Variants in NUP155 observed in about 807,000 individuals in gnomAD.
NUP155 encodes nuclear pore complex protein Nup155.
Under a neutral mutation model 180.4 loss-of-function variants are expected in NUP155, and 71 were observed. The observed-to-expected ratio is 0.39, with a 90% confidence interval of 0.33 to 0.48. The LOEUF (loss-of-function observed/expected upper bound fraction) is 0.48, where lower values mean the gene tolerates loss of function less well. NUP155 is among the 20% of genes least tolerant of loss of function. NUP155 has a pLI of 0.91. For synonymous variants in NUP155, 582 were observed against 559.5 expected (o/e 1.04, Z -0.57); for missense variants, 1,553 against 1,648.9 (o/e 0.94, Z 1.01).
chr5:37,355,440 G>A (rs1209027331), intron 4 of NUP155, among the ~76,000 whole-genome samples: 1 of 151,826 alleles, frequency 6.6e-6, no homozygotes, highest in Non-Finnish European at 1.5e-5. Flanking sequence ...CCCAGGAGGC[G>A]GAGGTTGTAG....
intron 9 of NUP155, among the ~76,000 whole-genome samples, chr5:37,346,677 C>CA (rs930870933): frequency 1.0e-4 from 15 of 145,278 alleles, no homozygotes; most frequent in East Asian, 6.1e-4. Flanking sequence ...GTCTCGGAAA[C>CA]AAAAAAAAAA....
chr5:37,319,549 T>C (rs892326625), intron 20 of NUP155, among the ~76,000 whole-genome samples: 1 of 152,166 alleles, frequency 6.6e-6, no homozygotes, highest in Non-Finnish European at 1.5e-5. Context: ...TTCAATATGT[T>C]AAATATATGA....
chr5:37,344,896 G>A (rs973684661), intron 9 of NUP155, among the ~76,000 whole-genome samples: 29 of 151,614 alleles, frequency 1.9e-4, no homozygotes, highest in Admixed American at 1.2e-3. Flanking sequence ...AAAGATTTTG[G>A]GGGCACGGTG....
intron 17 of NUP155, 72 bp downstream of exon 17, chr5:37,328,286 C>G (rs1453705968): frequency 1.8e-6 from 2 of 1,101,324 alleles, no homozygotes; most frequent in Admixed American, 1.9e-5. Flanking sequence ...CTTTTTCACA[C>G]TAAGCATTAA....
chr5:37,352,223 T>C lies in NUP155; in HGVS notation c.556+514A>G, dbSNP rs190895672. Among the ~76,000 whole-genome samples, 442 of 152,164 alleles carry C rather than the reference T, an allele frequency of 2.9e-3. 1 individual carries two copies. Among genetic ancestry groups the C allele is most frequent in the African/African-American group, 9.9e-3 (412 of 41,534 alleles). ...ATACAAAAAAATTAGCTGGGTGTGGTAGTGGGTGCCTGTAATCCCAGCTAC... is the reference window on the plus strand; with the variant it reads ...ATACAAAAAAATTAGCTGGGTGTGGCAGTGGGTGCCTGTAATCCCAGCTAC... On this transcript the variant is annotated intron_variant, in intron 5 of 34. Transcript: ENST00000231498.
At chr5:37,318,373 A>G (rs1744037778) in intron 20 of NUP155, among the ~76,000 whole-genome samples, 1 of 152,142 alleles carries the variant, frequency 6.6e-6, no homozygotes, top group Non-Finnish European at 1.5e-5. Flanking sequence ...TAAAGGAGAG[A>G]AAGGAAGGAA....
intron 18 of NUP155, among the ~76,000 whole-genome samples, chr5:37,326,934 C>T (rs1744635793): frequency 6.6e-6 from 1 of 152,150 alleles, no homozygotes; most frequent in African/African-American, 2.4e-5. Flanking sequence ...CTATGCTACC[C>T]CAGCACATCA....
intron 15 of NUP155, 120 bp from the exon 16 acceptor site, chr5:37,329,398 A>G (rs1383001523): frequency 9.3e-6 from 7 of 750,020 alleles, no homozygotes; most frequent in Non-Finnish European, 1.4e-5. Flanking sequence ...AGAGACTTCA[A>G]TGTATTGTGC....
At chr5:37,352,222 G>T (rs1746509942) in intron 5 of NUP155, among the ~76,000 whole-genome samples, 1 of 152,126 alleles carries the variant, frequency 6.6e-6, no homozygotes, top group African/African-American at 2.4e-5. Context: ...GCTGGGTGTG[G>T]TAGTGGGTGC....
intron 5 of NUP155, 118 bp from the exon 6 acceptor site, chr5:37,351,474 G>A (rs1239565186): frequency 2.9e-6 from 2 of 698,666 alleles, no homozygotes; most frequent in Non-Finnish European, 4.7e-6. Context: ...TCTTGAGACA[G>A]TCTTACTCTG....
At chr5:37,299,379 T>C in intron 31 of NUP155, 69 bp downstream of exon 31, 1 of 1,575,340 alleles carries the variant, frequency 6.3e-7, no homozygotes, top group Non-Finnish European at 8.7e-7. Context: ...TATTAGTTAC[T>C]AGCAGCTTGC....
intron 27 of NUP155, among the ~76,000 whole-genome samples, chr5:37,303,660 A>AG (rs1296976301): frequency 2.6e-5 from 4 of 152,194 alleles, no homozygotes; most frequent in African/African-American, 9.6e-5. Flanking sequence ...ACAATAATTT[A>AG]GTAGGCTGGG....
intron 29 of NUP155, among the ~76,000 whole-genome samples, 160 bp from the exon 30 acceptor site, chr5:37,301,710 A>G (rs1200748215): frequency 2.6e-5 from 4 of 152,250 alleles, no homozygotes; most frequent in Non-Finnish European, 5.9e-5. Context: ...GACATCAACT[A>G]AACATAATAG....
intron 32 of NUP155, among the ~76,000 whole-genome samples, chr5:37,298,542 C>T (rs1014151157): frequency 7.9e-5 from 12 of 152,158 alleles, no homozygotes; most frequent in African/African-American, 2.7e-4. Context: ...CACAGATTAC[C>T]TATGCACAAA....
intron 4 of NUP155, among the ~76,000 whole-genome samples, chr5:37,356,324 A>T (rs1437562496): frequency 6.6e-6 from 1 of 151,828 alleles, no homozygotes; most frequent in East Asian, 1.9e-4. Flanking sequence ...ATTTACTCTG[A>T]ACTCTGTTCT....
chr5:37,369,058 G>T (rs1032541115), intron 1 of NUP155, among the ~76,000 whole-genome samples: 1 of 152,156 alleles, frequency 6.6e-6, no homozygotes, highest in Non-Finnish European at 1.5e-5. Flanking sequence ...TTTGAGACCA[G>T]CCTTGTAACA....
At position 37,349,038 on chromosome 5, in the gene NUP155, G is replaced by A. The variant is rs113010070; in HGVS notation, c.903+134C>T. Reference sequence around the variant, plus strand: ...CCCAAAGTGCTGGGATTACAGGCTTGAGCCACCATGCCCAGCAGGCTTTTT... The same window carrying A: ...CCCAAAGTGCTGGGATTACAGGCTTAAGCCACCATGCCCAGCAGGCTTTTT... On this transcript the variant is annotated intron_variant, in intron 8 of 34. Coordinates refer to ENST00000231498, the MANE Select transcript of NUP155 (RefSeq NM_153485.3). 2,317 of 335,282 alleles carry A rather than the reference G, an allele frequency of 6.9e-3. 53 individuals carry two copies. The highest frequency in any genetic ancestry group is 0.045 in the African/African-American group (2,084 of 46,032). 20.8% of individuals were successfully genotyped at this position (335,282 alleles called of 1,614,324 possible).
intron 11 of NUP155, among the ~76,000 whole-genome samples, chr5:37,338,472 T>C (rs1325089383): frequency 1.3e-5 from 2 of 149,816 alleles, no homozygotes; most frequent in African/African-American, 4.9e-5. Context: ...AGTGGCGCGA[T>C]CTCGGCTCAC....
At chr5:37,355,564 T>C (rs912149037) in intron 4 of NUP155, among the ~76,000 whole-genome samples, 5 of 121,890 alleles carry the variant, frequency 4.1e-5, no homozygotes, top group Non-Finnish European at 8.4e-5. Context: ...TATATATATT[T>C]ATTTATTTGT....
Sources: gnomAD v4.1 joint callset for allele counts (sites outside exome capture counted in the v4.1 genomes callset) on GRCh38, gnomAD v4.1.1 for gene constraint, MANE v1.5 for transcripts, NCBI Gene and HGNC (gene_info 2026-07-23, HGNC 2026-07-21) for gene names.